CNTN5: variants seen among roughly 807,000 people sequenced by gnomAD.
CNTN5 encodes the protein contactin 5.
A neutral mutation model predicts 129.1 loss-of-function variants in CNTN5; 77 were observed. The observed-to-expected ratio is 0.60, with a 90% CI of 0.50 to 0.72. The LOEUF (loss-of-function observed/expected upper bound fraction) is 0.72. CNTN5 is among the 30% of genes least tolerant of loss of function. CNTN5 has a pLI of 0.00. For missense variants in CNTN5, 1,478 were observed against 1,328.8 expected, an observed-to-expected ratio of 1.11 and a Z score of -1.75; for synonymous variants, 509 against 465.6, an observed-to-expected ratio of 1.09 and a Z score of -1.20.
chr11:99,492,737 A>G (rs576425745), intron 2 of CNTN5, among the ~76,000 whole-genome samples: 12 of 152,314 alleles, frequency 7.9e-5, no homozygotes, highest in African/African-American at 2.6e-4. Context: ...AGGTTATTCA[A>G]AATGAAGACT....
At chr11:99,583,720 T>C (rs1949696743) in intron 3 of CNTN5, among the ~76,000 whole-genome samples, 1 of 152,188 alleles carries the variant, frequency 6.6e-6, no homozygotes, top group Non-Finnish European at 1.5e-5. Context: ...AGGTGCCGTC[T>C]GTCACCCCTT....
intron 3 of CNTN5, among the ~76,000 whole-genome samples, chr11:99,556,510 C>T (rs1339678708): frequency 7.2e-6 from 1 of 139,522 alleles, no homozygotes; most frequent in Non-Finnish European, 1.5e-5. Flanking sequence ...ACCTCCTTGA[C>T]ATTCATTTGC....
intron 3 of CNTN5, among the ~76,000 whole-genome samples, chr11:99,808,787 CT>C (rs2135509402): frequency 1.3e-5 from 2 of 152,242 alleles, no homozygotes; most frequent in East Asian, 3.9e-4. Flanking sequence ...GTATCAGCTG[CT>C]TCTTACTAGA....
intron 3 of CNTN5, among the ~76,000 whole-genome samples, chr11:99,616,152 T>G (rs1014183364): frequency 2.6e-5 from 4 of 152,216 alleles, no homozygotes; most frequent in Non-Finnish European, 5.9e-5. Context: ...AAATATAGAA[T>G]TATTCTATCA....
chr11:100,026,560 T>G, intron 9 of CNTN5, among the ~76,000 whole-genome samples: 1 of 152,342 alleles, frequency 6.6e-6, no homozygotes, highest in East Asian at 1.9e-4. Flanking sequence ...GTTGTCCATG[T>G]TCTGAATTTT....
chr11:100,115,229 A>G (rs889878250), intron 13 of CNTN5, among the ~76,000 whole-genome samples: 4 of 152,022 alleles, frequency 2.6e-5, no homozygotes, highest in Non-Finnish European at 4.4e-5. Flanking sequence ...GTTTGTTAGC[A>G]AAATGGCTTT....
chr11:99,120,799 A>G (rs1306314155), intron 1 of CNTN5, among the ~76,000 whole-genome samples: 1 of 152,122 alleles, frequency 6.6e-6, no homozygotes, highest in African/African-American at 2.4e-5. Flanking sequence ...ATTTGGTCAG[A>G]TAATTTTCTG....
intron 14 of CNTN5, among the ~76,000 whole-genome samples, chr11:100,191,542 A>C (rs1466594578): frequency 6.6e-6 from 1 of 152,064 alleles, no homozygotes. Flanking sequence ...TCAAAACTTG[A>C]AAGTATGCCA....
At chr11:99,971,971 T>C (rs558162568) in intron 8 of CNTN5, among the ~76,000 whole-genome samples, 3 of 145,470 alleles carry the variant, frequency 2.1e-5, no homozygotes, top group Non-Finnish European at 4.5e-5. Flanking sequence ...AAAAAACGGG[T>C]GGGAGCGGTG....
intron 2 of CNTN5, among the ~76,000 whole-genome samples, chr11:99,511,759 C>G (rs925451317): frequency 2.0e-5 from 3 of 151,822 alleles, no homozygotes; most frequent in Non-Finnish European, 4.4e-5. Context: ...TAGCATGGCA[C>G]ATGTATACAT....
At chr11:99,285,194 A>G (rs1032829174) in intron 1 of CNTN5, among the ~76,000 whole-genome samples, 1 of 152,032 alleles carries the variant, frequency 6.6e-6, no homozygotes, top group Non-Finnish European at 1.5e-5. Context: ...AAATGAGTTT[A>G]TTTTCTTTAA....
chr11:100,339,795 C>T (rs1229657897), intron 21 of CNTN5, among the ~76,000 whole-genome samples: 2 of 152,166 alleles, frequency 1.3e-5, no homozygotes, highest in Non-Finnish European at 2.9e-5. Context: ...AATTGTGGGA[C>T]AGTCATTGAT....
intron 1 of CNTN5, among the ~76,000 whole-genome samples, chr11:99,310,150 A>G (rs1176566274): frequency 6.6e-6 from 1 of 152,166 alleles, no homozygotes; most frequent in Non-Finnish European, 1.5e-5. Flanking sequence ...ATTTTGCCTC[A>G]AAAGTTGTGA....
At chr11:99,742,170 C>T (rs914465070) in intron 3 of CNTN5, among the ~76,000 whole-genome samples, 5 of 152,138 alleles carry the variant, frequency 3.3e-5, no homozygotes, top group Non-Finnish European at 7.4e-5. Flanking sequence ...AGTGTAAAGA[C>T]GGATGGACAG....
Position 99,191,179 on chromosome 11 carries a change from G to A in CNTN5, c.-209-134167G>A, listed in dbSNP as rs1232905389. On this transcript the variant is annotated intron_variant, in intron 1 of 24. Transcript: ENST00000524871. ...CTGTGTTTAACGATCCTTGCTTACC[G>A]GAAATAAATTTCACTTGATCATGGT... Among the ~76,000 whole-genome samples, 15 of 151,492 alleles carry A rather than the reference G, an allele frequency of 9.9e-5. No homozygotes were observed. In the South Asian group the frequency reaches 1.5e-3, roughly 15 times the overall value.
At chr11:99,130,243 G>C (rs1237878252) in intron 1 of CNTN5, among the ~76,000 whole-genome samples, 1 of 152,064 alleles carries the variant, frequency 6.6e-6, no homozygotes, top group Non-Finnish European at 1.5e-5. Flanking sequence ...GATACATATA[G>C]GCTCAAAATA....
At chr11:99,410,313 G>T (rs1031654140) in intron 2 of CNTN5, among the ~76,000 whole-genome samples, 2 of 152,128 alleles carry the variant, frequency 1.3e-5, no homozygotes, top group African/African-American at 4.8e-5. Flanking sequence ...TTTGCAATTT[G>T]TAGAAGAACT....
chr11:99,456,122 C>A (rs989098081), intron 2 of CNTN5, among the ~76,000 whole-genome samples: 2 of 151,962 alleles, frequency 1.3e-5, no homozygotes, highest in Non-Finnish European at 2.9e-5. Flanking sequence ...TCATTCGGAT[C>A]GATTTTTAAA....
At chr11:99,747,259 GA>G (rs1486135388) in intron 3 of CNTN5, among the ~76,000 whole-genome samples, 1 of 151,982 alleles carries the variant, frequency 6.6e-6, no homozygotes, top group African/African-American at 2.4e-5. Context: ...TTTGTATGTT[GA>G]TTTTGTATCC....
Sources: allele counts gnomAD v4.1 joint callset (sites outside exome capture counted in the v4.1 genomes callset), GRCh38; gene constraint gnomAD v4.1.1; transcripts MANE v1.5; gene names NCBI Gene and HGNC (gene_info 2026-07-23, HGNC 2026-07-21).